The following HPSE2 variants were observed in gnomAD, a reference collection of about 807,000 sequenced individuals.
HPSE2 encodes heparanase 2 (inactive).
Under a neutral mutation model 60.5 loss-of-function variants are expected in HPSE2, and 38 were observed. The observed-to-expected ratio is 0.63, with a 90% CI of 0.48 to 0.82. HPSE2 has a LOEUF of 0.82. Ranked by LOEUF, HPSE2 falls within the 40% of genes least tolerant of loss-of-function variation. The pLI is 0.00. For synonymous variants in HPSE2, 295 were observed against 293.2 expected, an observed-to-expected ratio of 1.01 and a Z score of -0.06; for missense variants, 713 against 740.4, an observed-to-expected ratio of 0.96 and a Z score of 0.43.
intron 3 of HPSE2, among the ~76,000 whole-genome samples, chr10:98,904,436 A>C (rs1953753880): frequency 6.6e-6 from 1 of 152,176 alleles, no homozygotes; most frequent in African/African-American, 2.4e-5. Context: ...TTGAAGATGA[A>C]GAGAAATCTT....
In HPSE2 at chr10:99,022,430, T is replaced by C. The variant is rs905070222; in HGVS notation, c.610+121808A>G. Among the ~76,000 whole-genome samples the C allele has an allele frequency of 4.6e-5, 7 of 152,224 alleles. No individual in the cohort carries two copies. The East Asian group carries it at 1.4e-3, about 30-fold the overall frequency. On this transcript the variant is annotated intron_variant, in intron 3 of 11. Coordinates refer to ENST00000370552, the MANE Select transcript of HPSE2 (RefSeq NM_021828.5). ...GAAAGGCAGTCTAGGCCATAAGGAC[T>C]GCAACTCTTAGGCAAATCCTAGTGT...
intron 3 of HPSE2, among the ~76,000 whole-genome samples, chr10:99,069,712 G>C (rs1269030834): frequency 6.6e-6 from 1 of 151,408 alleles, no homozygotes; most frequent in Non-Finnish European, 1.5e-5. Context: ...AATGATAATA[G>C]TCACATCTAG....
At position 98,876,860 on chromosome 10, in the gene HPSE2, T is replaced by G. The variant is rs367978147; in HGVS notation, c.611-132804A>C. On this transcript the variant is annotated intron_variant, in intron 3 of 11. Transcript: ENST00000370552. ...CATACTACCTCTCTCTACTTTTCTA[T>G]GAATTCCAAGTTCTATTCTCAGACC... Among the ~76,000 whole-genome samples the G allele has an allele frequency of 3.9e-5, 6 of 152,034 alleles. 1 individual carries two copies. The East Asian group carries it at 7.7e-4, about 20-fold the overall frequency.
chr10:98,564,731 A>G (rs567291717), intron 9 of HPSE2, among the ~76,000 whole-genome samples: 1 of 152,348 alleles, frequency 6.6e-6, no homozygotes, highest in South Asian at 2.1e-4. Context: ...GGGTTTATAA[A>G]TGAGTACTTA....
chr10:98,775,780 C>G (rs759241676), intron 3 of HPSE2, among the ~76,000 whole-genome samples: 1 of 152,120 alleles, frequency 6.6e-6, no homozygotes, highest in Non-Finnish European at 1.5e-5. Context: ...CCAGCGATAT[C>G]AATCATTTCT....
chr10:98,568,753 C>T (rs1403471975), intron 9 of HPSE2, among the ~76,000 whole-genome samples: 1 of 152,132 alleles, frequency 6.6e-6, no homozygotes, highest in Non-Finnish European at 1.5e-5. Context: ...GATGTTTTTC[C>T]TTAGAGCAGC....
At chr10:98,696,453 C>T (rs949225685) in intron 5 of HPSE2, among the ~76,000 whole-genome samples, 1 of 152,016 alleles carries the variant, frequency 6.6e-6, no homozygotes, top group Non-Finnish European at 1.5e-5. Flanking sequence ...GAGAGCCACA[C>T]AGGGCAGGGA....
At chr10:98,876,154 C>T (rs1231201737) in intron 3 of HPSE2, among the ~76,000 whole-genome samples, 1 of 151,738 alleles carries the variant, frequency 6.6e-6, no homozygotes, top group Non-Finnish European at 1.5e-5. Flanking sequence ...AGCTATTGTA[C>T]TTACTTTTAG....
intron 2 of HPSE2, among the ~76,000 whole-genome samples, chr10:99,182,972 A>T (rs12357267): frequency 6.6e-6 from 1 of 151,746 alleles, no homozygotes; most frequent in African/African-American, 2.4e-5. Flanking sequence ...CACACACACA[A>T]AAAAAACTAA....
chr10:98,659,288 C>T (rs1947161158), intron 6 of HPSE2, among the ~76,000 whole-genome samples: 2 of 152,138 alleles, frequency 1.3e-5, no homozygotes, highest in Non-Finnish European at 2.9e-5. Context: ...ACAAAAAAGT[C>T]AGGCCTCTGT....
chr10:98,719,683 C>T (rs1472683341), intron 5 of HPSE2, among the ~76,000 whole-genome samples: 1 of 127,514 alleles, frequency 7.8e-6, no homozygotes, highest in African/African-American at 3.1e-5. Context: ...GCAGAAGTGA[C>T]TTGACCAGAT....
chr10:98,597,673 G>GA (rs35585915), intron 9 of HPSE2, among the ~76,000 whole-genome samples: 11,994 of 135,588 alleles, frequency 0.088, 545 homozygotes, highest in East Asian at 0.19. Context: ...TCTGTCTCAA[G>GA]AAAAAAAAAA....
intron 8 of HPSE2, among the ~76,000 whole-genome samples, chr10:98,618,131 G>C (rs1945970703): frequency 6.6e-6 from 1 of 152,120 alleles, no homozygotes; most frequent in African/African-American, 2.4e-5. Context: ...GTGGAGTTGA[G>C]ACCAAATGGG....
In HPSE2 at chr10:98,987,480, G is replaced by A. The variant is rs113307865; in HGVS notation, c.610+156758C>T. On this transcript the variant is annotated intron_variant, in intron 3 of 11. Transcript: ENST00000370552. ...GCTAAAAACTCTCAAATTAGGTATC[G>A]ATGGGACATATCTCAAAATAATAAG... Among the ~76,000 whole-genome samples the A allele has an allele frequency of 2.1e-3, 312 of 152,174 alleles. 1 individual carries two copies. The highest frequency in any genetic ancestry group is 6.8e-3 in the African/African-American group (283 of 41,516).
intron 4 of HPSE2, among the ~76,000 whole-genome samples, chr10:98,724,345 T>G (rs1445245273): frequency 2.0e-5 from 3 of 152,220 alleles, no homozygotes; most frequent in Admixed American, 6.5e-5. Flanking sequence ...TGTTATAATT[T>G]CTGTTCTTTG....
chr10:99,076,763 C>A (rs1169750688), intron 3 of HPSE2, among the ~76,000 whole-genome samples: 2 of 152,130 alleles, frequency 1.3e-5, no homozygotes, highest in Non-Finnish European at 2.9e-5. Context: ...TACAATATTG[C>A]ATTATTCTGT....
chr10:98,503,525 G>A (rs1044370206), intron 9 of HPSE2, among the ~76,000 whole-genome samples: 1 of 152,204 alleles, frequency 6.6e-6, no homozygotes, highest in Non-Finnish European at 1.5e-5. Flanking sequence ...TATCTACCCA[G>A]AGGAAAATAA....
chr10:98,897,251 T>C (rs1953519849), intron 3 of HPSE2, among the ~76,000 whole-genome samples: 1 of 152,146 alleles, frequency 6.6e-6, no homozygotes, highest in African/African-American at 2.4e-5. Flanking sequence ...GCTTGGGTGA[T>C]AGGTGCACCA....
intron 2 of HPSE2, among the ~76,000 whole-genome samples, chr10:99,202,921 TGGAGAGAGAA>T (rs577605127): frequency 1.1e-3 from 163 of 152,242 alleles, no homozygotes; most frequent in Non-Finnish European, 2.0e-3. Flanking sequence ...CAGCACATCA[TGGAGAGAGAA>T]GGAAAGAGAA....
Sources: allele counts gnomAD v4.1 joint callset (sites outside exome capture counted in the v4.1 genomes callset), GRCh38; gene constraint gnomAD v4.1.1; transcripts MANE v1.5; gene names NCBI Gene and HGNC (gene_info 2026-07-23, HGNC 2026-07-21).